Variants in RCAN2 observed in about 807,000 individuals in gnomAD.
RCAN2 encodes the protein regulator of calcineurin 2.
RCAN2 carries 9 observed loss-of-function variants against 23.6 expected under a neutral mutation model. The observed-to-expected ratio is 0.38, with a 90% CI of 0.23 to 0.67. The LOEUF (loss-of-function observed/expected upper bound fraction) is 0.67, where lower values mean the gene tolerates loss of function less well. RCAN2 is among the 30% of genes least tolerant of loss of function. RCAN2 has a pLI of 0.51. For missense variants in RCAN2, 273 were observed against 302.3 expected (o/e 0.90, Z 0.72); for synonymous variants, 109 against 115.7 (o/e 0.94, Z 0.37).
At position 46,222,962 on chromosome 6, in the gene RCAN2, G is replaced by T. The variant is rs766659258; in HGVS notation, c.*179C>A. 6.1e-5 allele frequency: 39 copies of T among 641,002 alleles called. No individual in the cohort carries two copies. Among genetic ancestry groups the T allele is most frequent in the Non-Finnish European group, 1.0e-4 (37 of 362,800 alleles). 39.7% of individuals were successfully genotyped at this position (641,002 alleles called of 1,614,324 possible). ...ATAATGGGTTATACTTAATGGGTAT[G>T]ATATGATCAGGAGACATATCACCTT... On this transcript the variant is annotated 3_prime_UTR_variant, in exon 5 of 5. Transcript: ENST00000371374.
chr6:46,324,928 T>G (rs890151248), intron 2 of RCAN2, among the ~76,000 whole-genome samples: 2 of 152,362 alleles, frequency 1.3e-5, no homozygotes, highest in African/African-American at 2.4e-5. Context: ...GAACAGCTAT[T>G]GTTTAATTTG....
intron 2 of RCAN2, among the ~76,000 whole-genome samples, chr6:46,264,512 C>G (rs1582044328): frequency 6.6e-6 from 1 of 152,218 alleles, no homozygotes; most frequent in East Asian, 1.9e-4. Flanking sequence ...TTCCTCTGTT[C>G]TTTATGTAAT....
intron 4 of RCAN2, among the ~76,000 whole-genome samples, chr6:46,241,186 A>G (rs1018016770): frequency 6.6e-6 from 1 of 152,182 alleles, no homozygotes; most frequent in Non-Finnish European, 1.5e-5. Flanking sequence ...GGTGGAGATA[A>G]GCTATTTTGC....
chr6:46,316,833 G>A (rs539230918), intron 2 of RCAN2, among the ~76,000 whole-genome samples: 5 of 152,304 alleles, frequency 3.3e-5, no homozygotes, highest in African/African-American at 1.2e-4. Context: ...AGTCATAGAA[G>A]ATGAAATCAA....
At chr6:46,312,645 C>T (rs140664654) in intron 2 of RCAN2, among the ~76,000 whole-genome samples, 1 of 152,278 alleles carries the variant, frequency 6.6e-6, no homozygotes, top group African/African-American at 2.4e-5. Context: ...TGTTGAATGG[C>T]AACTTAATCA....
chr6:46,460,277 G>A (rs1195378084), intron 1 of RCAN2, among the ~76,000 whole-genome samples: 1 of 152,028 alleles, frequency 6.6e-6, no homozygotes, highest in Non-Finnish European at 1.5e-5. Flanking sequence ...GCCCAAACTG[G>A]TCTCCAACTC....
At chr6:46,236,513 T>C (rs75495690) in intron 4 of RCAN2, among the ~76,000 whole-genome samples, 4,782 of 152,228 alleles carry the variant, frequency 0.031, 256 homozygotes, top group African/African-American at 0.11. Context: ...ATTCATTAGT[T>C]ATTTCCTCTA....
intron 2 of RCAN2, among the ~76,000 whole-genome samples, chr6:46,268,271 C>T (rs1004913264): frequency 2.6e-5 from 4 of 152,204 alleles, no homozygotes; most frequent in Non-Finnish European, 5.9e-5. Flanking sequence ...AGAGAGCAGA[C>T]ATAAGCCATT....
At chr6:46,461,980 A>C (rs1768229647) in intron 1 of RCAN2, among the ~76,000 whole-genome samples, 1 of 152,212 alleles carries the variant, frequency 6.6e-6, no homozygotes, top group Non-Finnish European at 1.5e-5. Flanking sequence ...CCCCTCTGCC[A>C]ATAACATGTG....
At chr6:46,343,375 A>ATTT (rs3084618) in intron 2 of RCAN2, among the ~76,000 whole-genome samples, 2,811 of 135,626 alleles carry the variant, frequency 0.021, 90 homozygotes, top group African/African-American at 0.061. Flanking sequence ...TGGGAAAACA[A>ATTT]TTTTTTTTTT....
intron 4 of RCAN2, among the ~76,000 whole-genome samples, chr6:46,234,651 CCAA>C (rs1249860851): frequency 6.6e-6 from 1 of 152,224 alleles, no homozygotes; most frequent in Non-Finnish European, 1.5e-5. Context: ...CCAAAAGTCA[CCAA>C]CAAGTGCATT....
intron 2 of RCAN2, among the ~76,000 whole-genome samples, chr6:46,437,982 A>T (rs571205740): frequency 6.6e-6 from 1 of 152,350 alleles, no homozygotes; most frequent in East Asian, 1.9e-4. Flanking sequence ...ATTAGGACAC[A>T]TGGGTCACAA....
rs186054810 is a variant in RCAN2 at position 46,240,992 on chromosome 6, A to G, written c.571+5756T>C. Among the ~76,000 whole-genome samples the G allele has an allele frequency of 4.1e-3, 628 of 152,312 alleles. 4 individuals carry two copies. The highest frequency in any genetic ancestry group is 0.014 in the African/African-American group (592 of 41,558). On this transcript the variant is annotated intron_variant, in intron 4 of 4. Transcript: ENST00000371374. ...CCTAACAAGAGCTAAAAATAGCAGG[A>G]GGAAAAAAAAGAAGAGACAATGACT... is the stretch of plus-strand genomic sequence containing the variant.
chr6:46,374,565 T>A (rs894957094), intron 2 of RCAN2, among the ~76,000 whole-genome samples: 3 of 152,336 alleles, frequency 2.0e-5, no homozygotes, highest in Middle Eastern at 3.4e-3. Context: ...TAACCATTTG[T>A]AGCCCTATGG....
chr6:46,342,573 G>C lies in RCAN2; in HGVS notation c.226-93677C>G, dbSNP rs1024310298. ...TCTCTTAAAAAAAGAAAGAAAGAAA[G>C]AATAAGCCAGAAGAACACGACCTAC... is the stretch of plus-strand genomic sequence containing the variant. On this transcript the variant is annotated intron_variant, in intron 2 of 4. Transcript: ENST00000371374. Among the ~76,000 whole-genome samples the C allele has an allele frequency of 1.9e-4, 11 of 57,826 alleles. 2 individuals carry two copies. The highest frequency in any genetic ancestry group is 5.4e-4 in the Non-Finnish European group (10 of 18,590). The allele number at this position is 57,826 out of a possible 152,430, so 37.9% of individuals were successfully genotyped here.
intron 2 of RCAN2, among the ~76,000 whole-genome samples, chr6:46,268,534 T>C (rs996177229): frequency 4.6e-5 from 7 of 152,208 alleles, no homozygotes; most frequent in African/African-American, 1.4e-4. Context: ...ACATTTTACA[T>C]TGTGTGAGAA....
intron 2 of RCAN2, among the ~76,000 whole-genome samples, chr6:46,255,079 C>CTTAA (rs1245706230): frequency 1.3e-5 from 2 of 152,200 alleles, no homozygotes; most frequent in African/African-American, 4.8e-5. Flanking sequence ...CAGTTTGTGG[C>CTTAA]ACTTGGTTAC....
At chr6:46,429,939 G>T (rs1395328939) in intron 2 of RCAN2, among the ~76,000 whole-genome samples, 5 of 152,120 alleles carry the variant, frequency 3.3e-5, no homozygotes, top group Non-Finnish European at 7.3e-5. Flanking sequence ...ACTCAAAGAA[G>T]GAGAGAAAGT....
intron 2 of RCAN2, among the ~76,000 whole-genome samples, chr6:46,374,118 G>A (rs1582151093): frequency 6.6e-6 from 1 of 152,162 alleles, no homozygotes; most frequent in African/African-American, 2.4e-5. Flanking sequence ...TTTCTCCATG[G>A]TATAGCACAG....
Sources: gnomAD v4.1 joint callset for allele counts (sites outside exome capture counted in the v4.1 genomes callset) on GRCh38, gnomAD v4.1.1 for gene constraint, MANE v1.5 for transcripts, NCBI Gene and HGNC (gene_info 2026-07-23, HGNC 2026-07-21) for gene names.